The following PREP variants were observed in gnomAD, a reference collection of about 807,000 sequenced individuals.
PREP encodes the protein prolyl endopeptidase, also known as dJ355L5.1 (prolyl endopeptidase).
A neutral mutation model predicts 87.6 loss-of-function variants in PREP; 29 were observed. The ratio of observed to expected loss-of-function variants is 0.33; its 90% CI spans 0.25 to 0.45. The LOEUF (loss-of-function observed/expected upper bound fraction) is 0.45, where lower values mean the gene tolerates loss of function less well. Ranked by LOEUF, PREP falls within the 20% of genes least tolerant of loss-of-function variation. The pLI is 1.00. For missense variants in PREP, 695 were observed against 886.5 expected (o/e 0.78, Z 2.74); for synonymous variants, 337 against 328.6 (o/e 1.03, Z -0.28).
chr6:105,304,044 A>G (rs1300862725), intron 10 of PREP, among the ~76,000 whole-genome samples: 1 of 152,260 alleles, frequency 6.6e-6, no homozygotes, highest in Admixed American at 6.5e-5. Flanking sequence ...TATGAGGTCT[A>G]TACAGTTGGC....
chr6:105,278,534 T>TAACTA lies in PREP; in HGVS notation c.1839-101_1839-97dup. On this transcript the variant is annotated intron_variant, in intron 14 of 14. Transcript: ENST00000652536. The surrounding 1 kb of genome is among the most constrained non-coding windows in gnomAD (Gnocchi z 4.2). ...GTTAATTAGCAGTGAGGACTGCAGT[T>TAACTA]AACTAGTACGTGAGTGACCACCATG... 7.8e-7 allele frequency: 1 copy of TAACTA among 1,279,844 alleles called. No individual in the cohort carries two copies. The highest frequency in any genetic ancestry group is 1.1e-6 in the Non-Finnish European group (1 of 917,546). 79.3% of individuals were successfully genotyped at this position (1,279,844 alleles called of 1,614,324 possible).
chr6:105,386,034 T>C (rs1490151731), intron 2 of PREP, among the ~76,000 whole-genome samples: 2 of 152,124 alleles, frequency 1.3e-5, no homozygotes, highest in East Asian at 3.9e-4. Flanking sequence ...GCAGGAGAAT[T>C]GCCTGAACCA....
chr6:105,326,831 CAAAGCTTGGTCAGAAAATT>C (rs1771172500), intron 9 of PREP, among the ~76,000 whole-genome samples: 1 of 152,160 alleles, frequency 6.6e-6, no homozygotes, highest in Admixed American at 6.5e-5. Flanking sequence ...AGGAGACAGA[CAAAGCTTGGTCAGAAAATT>C]AAAGCTTGGT....
Position 105,368,992 on chromosome 6 carries a change from G to A in PREP, c.628C>T (p.Leu210Phe), listed in dbSNP as rs890593057. Residue 210 changes from leucine to phenylalanine, a missense_variant, in exon 6 of 15, where the codon CTC (leucine) becomes TTC (phenylalanine). This residue lies in a region of PREP where 517 missense variants were observed against 620.3 expected (regional missense o/e 0.83). Transcript: ENST00000652536. Reference protein sequence around the residue: ...TETSTNLHQKLYYHVLGTDQS... With the variant: ...TETSTNLHQKFYYHVLGTDQS... ...TCGGTTCCCAAGACATGGTAGTAGA[G>A]CTTTTGGTGGAGATTGGTAGATGTC... The A allele has an allele frequency of 6.2e-7, 1 of 1,613,918 alleles. No individual in the cohort carries two copies. Among genetic ancestry groups the A allele is most frequent in the Non-Finnish European group, 8.5e-7 (1 of 1,179,858 alleles).
intron 5 of PREP, among the ~76,000 whole-genome samples, chr6:105,369,620 G>A (rs1051596019): frequency 1.1e-4 from 16 of 152,138 alleles, no homozygotes; most frequent in Admixed American, 9.2e-4. Context: ...TAGATCAATG[G>A]AACAGGAAAG....
chr6:105,335,666 A>C (rs6931459), intron 7 of PREP, among the ~76,000 whole-genome samples: 30,389 of 152,008 alleles, frequency 0.2, 4,543 homozygotes, highest in African/African-American at 0.42. Context: ...ACAAAGCCGG[A>C]AGACCATGAG....
intron 5 of PREP, among the ~76,000 whole-genome samples, chr6:105,371,809 T>C (rs938543782): frequency 6.6e-6 from 1 of 152,206 alleles, no homozygotes; most frequent in African/African-American, 2.4e-5. Context: ...TACTGAGATG[T>C]TGGCTTTCTT....
intron 9 of PREP, among the ~76,000 whole-genome samples, chr6:105,327,018 G>C (rs768935326): frequency 1.2e-4 from 19 of 152,186 alleles, no homozygotes; most frequent in Non-Finnish European, 2.9e-5. Context: ...GCTTGTTCCT[G>C]ACATAAATGG....
intron 5 of PREP, among the ~76,000 whole-genome samples, chr6:105,370,746 G>A (rs1772515956): frequency 6.6e-6 from 1 of 152,118 alleles, no homozygotes; most frequent in South Asian, 2.1e-4. Context: ...TGTATTATCA[G>A]TAAGCGAAAA....
chr6:105,335,693 C>A (rs953130464), intron 7 of PREP, among the ~76,000 whole-genome samples: 21 of 152,144 alleles, frequency 1.4e-4, no homozygotes, highest in African/African-American at 4.8e-4. Flanking sequence ...AGATTAAGAC[C>A]ATCCTGGCTA....
chr6:105,363,412 C>G (rs1562216513), intron 6 of PREP, among the ~76,000 whole-genome samples: 1 of 151,990 alleles, frequency 6.6e-6, no homozygotes, highest in East Asian at 1.9e-4. Context: ...TTTTTTGGTC[C>G]AATAGAACCT....
At chr6:105,310,658 C>T (rs544934700) in intron 10 of PREP, among the ~76,000 whole-genome samples, 1 of 152,330 alleles carries the variant, frequency 6.6e-6, no homozygotes, top group African/African-American at 2.4e-5. Flanking sequence ...CTTCCTCCTT[C>T]AACTGACCCC....
chr6:105,351,413 C>A (rs1000411931), intron 7 of PREP, among the ~76,000 whole-genome samples: 1 of 151,252 alleles, frequency 6.6e-6, no homozygotes, highest in Non-Finnish European at 1.5e-5. Context: ...TACTGTCTTC[C>A]TTTTGGAATC....
chr6:105,364,003 G>A (rs541600192), intron 6 of PREP, among the ~76,000 whole-genome samples: 1 of 152,266 alleles, frequency 6.6e-6, no homozygotes, highest in South Asian at 2.1e-4. Context: ...AGCCAAGAGA[G>A]GCCAACAATG....
At chr6:105,284,100 CTT>C (rs1770136182) in intron 12 of PREP, among the ~76,000 whole-genome samples, 2 of 152,156 alleles carry the variant, frequency 1.3e-5, no homozygotes, top group African/African-American at 4.8e-5. Flanking sequence ...ATTTTATCCT[CTT>C]ATCACTCATC....
chr6:105,338,185 C>T (rs1363552950), intron 7 of PREP, among the ~76,000 whole-genome samples: 4 of 152,148 alleles, frequency 2.6e-5, no homozygotes, highest in Admixed American at 2.0e-4. Context: ...CTTAAATGTT[C>T]CCCCAACAAT....
rs535207006 is a variant in PREP, at chr6:105,333,436, G to A, written c.893C>T (p.Thr298Met). ...GCGATTCGTCTTGAATGTGAACACCGTCCCCTCATTGGTCACGTAGTCATA... is the reference window on the plus strand; with the variant it reads ...GCGATTCGTCTTGAATGTGAACACCATCCCCTCATTGGTCACGTAGTCATA... ...GEYDYVTNEG[T>M]VFTFKTNRQS... The change falls in exon 8 of 15, where the codon ACG becomes ATG. Residue 298 changes from threonine to methionine, a missense_variant. Physicochemically the swap from Thr to Met is moderately conservative, Grantham distance 81 (BLOSUM62 -1). Transcript: ENST00000652536. 3.9e-5 allele frequency: 63 copies of A among 1,614,144 alleles called. No individual in the cohort carries two copies. In the Admixed American group the frequency reaches 4.5e-4, roughly 12 times the overall value.
chr6:105,352,171 G>C (rs563868767), intron 7 of PREP, among the ~76,000 whole-genome samples: 1 of 152,202 alleles, frequency 6.6e-6, no homozygotes, highest in Non-Finnish European at 1.5e-5. Context: ...TTAACTAGAA[G>C]ATAATGTAAT....
At position 105,361,684 on chromosome 6, in the gene PREP, CT is replaced by C. The variant is rs144141594; in HGVS notation, c.717+7218del. Among the ~76,000 whole-genome samples the C allele has an allele frequency of 4.9e-3, 742 of 152,264 alleles. 2 individuals carry two copies. Among genetic ancestry groups the C allele is most frequent in the African/African-American group, 0.017 (686 of 41,560 alleles). On this transcript the variant is annotated intron_variant, in intron 6 of 14. Coordinates refer to ENST00000652536, the MANE Select transcript of PREP (RefSeq NM_002726.5). ...ATCATGCTATTCTCAGAGCAGGAGA[CT>C]TTATCAAATTTATTTTATATAAATC...
Sources: gnomAD v4.1 joint callset for allele counts (sites outside exome capture counted in the v4.1 genomes callset) on GRCh38, gnomAD v4.1.1 for gene constraint, gnomAD v4.1.1 regional missense constraint, Gnocchi (gnomAD v3.1) non-coding constraint, MANE v1.5 for transcripts, NCBI Gene and HGNC (gene_info 2026-07-23, HGNC 2026-07-21) for gene names.